IP6K3: variants seen among roughly 807,000 people sequenced by gnomAD.
IP6K3 encodes the protein inositol hexakisphosphate kinase 3.
In IP6K3, 20 loss-of-function variants were observed where a neutral mutation model predicts 28.8. The observed-to-expected ratio is 0.70, with a 90% CI of 0.49 to 1.01. The LOEUF is 1.01. Ranked by LOEUF, IP6K3 falls within the 50% of genes least tolerant of loss-of-function variation. The pLI is 0.00. For synonymous variants in IP6K3, 213 were observed against 221.3 expected, an observed-to-expected ratio of 0.96 and a Z score of 0.33; for missense variants, 480 against 537.1, an observed-to-expected ratio of 0.89 and a Z score of 1.05.
rs758780954 is a variant in IP6K3, at chr6:33,728,077, G to A, written c.413+10C>T. On this transcript the variant is annotated intron_variant, in intron 3 of 5. Transcript: ENST00000293756. ...GACAGGGTTTCTGTCATCCTGCCCA[G>A]TGCCCTCACCTCTCCTTGGGTGAGC... 1 of 1,600,972 alleles carries A rather than the reference G, an allele frequency of 6.2e-7. No homozygotes were observed. The highest frequency in any genetic ancestry group is 8.5e-7 in the Non-Finnish European group (1 of 1,179,324).
chr6:33,761,132 G>C, the IP6K3 span, among the ~76,000 whole-genome samples: 2 of 152,138 alleles, frequency 1.3e-5, no homozygotes, highest in Admixed American at 6.5e-5. Flanking sequence ...AACCTCCCCT[G>C]TGTCCCTGGA....
intron 1 of IP6K3, among the ~76,000 whole-genome samples, chr6:33,743,251 T>A (rs1306513960): frequency 6.6e-6 from 1 of 152,144 alleles, no homozygotes; most frequent in Non-Finnish European, 1.5e-5. Context: ...GGGTAGAAGA[T>A]AATTAAGAAA....
chr6:33,743,035 C>T (rs1242385692), intron 1 of IP6K3, among the ~76,000 whole-genome samples: 1 of 152,044 alleles, frequency 6.6e-6, no homozygotes, highest in Non-Finnish European at 1.5e-5. Flanking sequence ...GCTTGGCTGG[C>T]CTTGCCAGTG....
At chr6:33,737,790 CG>C (rs1766581943) in intron 1 of IP6K3, among the ~76,000 whole-genome samples, 1 of 151,988 alleles carries the variant, frequency 6.6e-6, no homozygotes, top group Non-Finnish European at 1.5e-5. Flanking sequence ...CGGGGCTGCT[CG>C]GGTGGGAGGA....
At chr6:33,756,491 A>T in the IP6K3 span, among the ~76,000 whole-genome samples, 3 of 151,046 alleles carry the variant, frequency 2.0e-5, no homozygotes, top group African/African-American at 4.9e-5. Flanking sequence ...TGTGTGTGTG[A>T]GAGACAGAGA....
intron 5 of IP6K3, 63 bp from the exon 6 acceptor site, chr6:33,723,250 C>T (rs1360243440): frequency 2.7e-6 from 3 of 1,102,488 alleles, no homozygotes; most frequent in African/African-American, 1.6e-5. Flanking sequence ...GTATCTGGTA[C>T]GGTTGCAGCA....
At chr6:33,743,169 G>A (rs1419653662) in intron 1 of IP6K3, among the ~76,000 whole-genome samples, 1 of 152,232 alleles carries the variant, frequency 6.6e-6, no homozygotes, top group Non-Finnish European at 1.5e-5. Context: ...GTGGCACCCT[G>A]AGATCACCAA....
intron 4 of IP6K3, among the ~76,000 whole-genome samples, chr6:33,726,120 C>T (rs1766100814): frequency 6.6e-6 from 1 of 152,144 alleles, no homozygotes; most frequent in Admixed American, 6.5e-5. Flanking sequence ...TACTATGAAA[C>T]CAGCCACCCA....
intron 2 of IP6K3, among the ~76,000 whole-genome samples, chr6:33,731,296 G>A (rs555211785): frequency 6.6e-6 from 1 of 152,092 alleles, no homozygotes; most frequent in Non-Finnish European, 1.5e-5. Context: ...CCTGCCACAC[G>A]TGAGGCTATG....
chr6:33,729,070 GA>G (rs1766227351), intron 2 of IP6K3, among the ~76,000 whole-genome samples: 1 of 152,260 alleles, frequency 6.6e-6, no homozygotes, highest in Non-Finnish European at 1.5e-5. Context: ...CACTGGTTGT[GA>G]AAGTGAAGAG....
intron 1 of IP6K3, among the ~76,000 whole-genome samples, chr6:33,741,568 T>A (rs569713766): frequency 7.4e-6 from 1 of 134,322 alleles, no homozygotes; most frequent in Non-Finnish European, 1.6e-5. Flanking sequence ...ATTGCTTGAA[T>A]CTAGGAGGTG....
At chr6:33,727,617 G>A (rs1258004240) in intron 3 of IP6K3, among the ~76,000 whole-genome samples, 1 of 152,154 alleles carries the variant, frequency 6.6e-6, no homozygotes, top group Non-Finnish European at 1.5e-5. Context: ...AGGCACCTGA[G>A]CCTCCTGCAT....
chr6:33,728,336 G>A (rs1167075794), intron 2 of IP6K3, 36 bp from the exon 3 acceptor site: 1 of 1,591,868 alleles, frequency 6.3e-7, no homozygotes, highest in South Asian at 1.1e-5. Flanking sequence ...GGAGGAGCCA[G>A]TTGAGAGAGC....
Position 33,740,631 on chromosome 6 carries a change from C to T in IP6K3, c.-179-4976G>A, listed in dbSNP as rs980320083. 3.3e-5 allele frequency among the ~76,000 whole-genome samples: 5 copies of T among 152,200 alleles called. No individual in the cohort carries two copies. The East Asian group carries it at 5.8e-4, about 18-fold the overall frequency. On this transcript the variant is annotated intron_variant, in intron 1 of 5. Coordinates refer to ENST00000293756, the MANE Select transcript of IP6K3 (RefSeq NM_054111.5). ...GTGATTCTAAGACCCCAAGACCTCG[C>T]TGATGCCAGACACAATGACAGATGC... is the stretch of plus-strand genomic sequence containing the variant.
At chr6:33,749,562 T>TC (rs1766992797), upstream of IP6K3, among the ~76,000 whole-genome samples, 3 of 148,852 alleles carry the variant, frequency 2.0e-5, no homozygotes, top group Non-Finnish European at 3.0e-5. Flanking sequence ...GTGGGGCAGA[T>TC]GGCCCCACTG....
intron 2 of IP6K3, among the ~76,000 whole-genome samples, chr6:33,734,067 G>A (rs1344703404): frequency 6.6e-6 from 1 of 152,116 alleles, no homozygotes; most frequent in Admixed American, 6.5e-5. Flanking sequence ...GCCGAGCATG[G>A]TGGCAGGCGC....
intron 1 of IP6K3, among the ~76,000 whole-genome samples, chr6:33,740,098 G>T (rs935665686): frequency 6.6e-6 from 1 of 152,196 alleles, no homozygotes; most frequent in Non-Finnish European, 1.5e-5. Flanking sequence ...GCTTTGAAGG[G>T]AGACAGTTGT....
rs1463382614 is a variant in IP6K3 at position 33,746,113 on chromosome 6, G to T, written c.-180+645C>A. Among the ~76,000 whole-genome samples the T allele has an allele frequency of 6.6e-5, 10 of 152,096 alleles. No individual in the cohort carries two copies. ...GTACCTAGAAGAGTCATGGGTGGGG[G>T]CCAAGACTCCACCACTGCCCAGGGC... On this transcript the variant is annotated intron_variant, in intron 1 of 5. Coordinates refer to ENST00000293756, the MANE Select transcript of IP6K3 (RefSeq NM_054111.5). The surrounding 1 kb of genome is among the most constrained non-coding windows in gnomAD (Gnocchi z 6.5).
At chr6:33,734,408 A>G (rs1766434933) in intron 2 of IP6K3, among the ~76,000 whole-genome samples, 1 of 152,142 alleles carries the variant, frequency 6.6e-6, no homozygotes, top group South Asian at 2.1e-4. Context: ...TAATCATTGA[A>G]ATGCAAATGT....
Sources: allele counts gnomAD v4.1 joint callset (sites outside exome capture counted in the v4.1 genomes callset), GRCh38; gene constraint gnomAD v4.1.1; non-coding constraint Gnocchi (gnomAD v3.1); transcripts MANE v1.5; gene names NCBI Gene and HGNC (gene_info 2026-07-23, HGNC 2026-07-21).